The following FMN1 variants were observed in gnomAD, a reference collection of about 807,000 sequenced individuals.
FMN1 encodes the protein formin 1.
A neutral mutation model predicts 132.4 loss-of-function variants in FMN1; 110 were observed. The observed-to-expected ratio is 0.83, with a 90% CI of 0.71 to 0.97. The LOEUF is 0.97. Ranked by LOEUF, FMN1 falls within the 50% of genes least tolerant of loss-of-function variation. The probability of loss-of-function intolerance (pLI) is 0.00; values close to 1 mark genes in which losing one functional copy is unlikely to be tolerated. For missense variants in FMN1, 1,792 were observed against 1,705.3 expected (o/e 1.05, Z -0.90); for synonymous variants, 722 against 651.7 (o/e 1.11, Z -1.64).
chr15:33,091,096 A>G (rs924901227), intron 4 of FMN1, among the ~76,000 whole-genome samples: 4 of 152,202 alleles, frequency 2.6e-5, no homozygotes, highest in Admixed American at 6.5e-5. Context: ...GTTTGCACAG[A>G]ATAATAAAAC....
chr15:32,887,336 CTCT>C (rs1383295330), intron 16 of FMN1, among the ~76,000 whole-genome samples: 1 of 152,172 alleles, frequency 6.6e-6, no homozygotes, highest in Non-Finnish European at 1.5e-5. Context: ...CTCCGCAGAG[CTCT>C]TCAATTGGAG....
intron 19 of FMN1, among the ~76,000 whole-genome samples, chr15:32,797,954 T>C (rs2057343702): frequency 6.6e-6 from 1 of 152,200 alleles, no homozygotes; most frequent in Non-Finnish European, 1.5e-5. Flanking sequence ...GATGCTATAA[T>C]GAAATATATC....
chr15:32,851,840 T>C (rs1163706033), intron 17 of FMN1, among the ~76,000 whole-genome samples: 1 of 152,192 alleles, frequency 6.6e-6, no homozygotes, highest in Non-Finnish European at 1.5e-5. Context: ...TTGCAGCTGA[T>C]ATAAAAATAA....
chr15:33,091,936 A>AT (rs1491225529), intron 4 of FMN1, among the ~76,000 whole-genome samples: 1 of 152,182 alleles, frequency 6.6e-6, no homozygotes, highest in African/African-American at 2.4e-5. Flanking sequence ...AAACTGAATC[A>AT]GTCTTATCAG....
chr15:33,118,601 T>C (rs2040016923), intron 4 of FMN1, among the ~76,000 whole-genome samples: 1 of 152,194 alleles, frequency 6.6e-6, no homozygotes, highest in Non-Finnish European at 1.5e-5. Context: ...GGACAGTTCC[T>C]GTAGGAAACA....
chr15:33,078,643 A>G (rs529557295), intron 5 of FMN1, among the ~76,000 whole-genome samples: 3 of 135,392 alleles, frequency 2.2e-5, no homozygotes, highest in Admixed American at 1.5e-4. Flanking sequence ...CCAAAAGGCA[A>G]CAAAAAAAAA....
intron 15 of FMN1, among the ~76,000 whole-genome samples, chr15:32,893,783 T>C (rs1370993593): frequency 6.6e-6 from 1 of 152,226 alleles, no homozygotes; most frequent in Non-Finnish European, 1.5e-5. Flanking sequence ...ATTGTAAGAT[T>C]TTCCTCTGTG....
intron 6 of FMN1, among the ~76,000 whole-genome samples, chr15:33,033,459 C>G (rs981299201): frequency 2.3e-4 from 35 of 152,278 alleles, no homozygotes; most frequent in African/African-American, 8.4e-4. Flanking sequence ...ACTTTCCTAT[C>G]AAACCCAACC....
At chr15:33,101,687 A>G (rs1013756738) in intron 4 of FMN1, among the ~76,000 whole-genome samples, 2 of 152,144 alleles carry the variant, frequency 1.3e-5, no homozygotes, top group Admixed American at 1.3e-4. Context: ...AGATCTAACA[A>G]CAAGAGACTT....
At chr15:33,100,878 ATAAT>A (rs982922149) in intron 4 of FMN1, among the ~76,000 whole-genome samples, 2 of 152,236 alleles carry the variant, frequency 1.3e-5, no homozygotes, top group African/African-American at 4.8e-5. Context: ...GGAATATTAT[ATAAT>A]TATTTAAAAT....
chr15:32,994,395 C>T (rs1229968993), intron 7 of FMN1, among the ~76,000 whole-genome samples: 1 of 152,154 alleles, frequency 6.6e-6, no homozygotes, highest in Non-Finnish European at 1.5e-5. Context: ...CCACACAAAG[C>T]TTCCCTGCAG....
intron 4 of FMN1, among the ~76,000 whole-genome samples, chr15:33,099,894 C>T (rs908957660): frequency 2.6e-5 from 4 of 152,164 alleles, no homozygotes; most frequent in African/African-American, 9.7e-5. Context: ...ATGTCTTTCT[C>T]CCAGAATACA....
chr15:32,947,971 T>G (rs1567445340), intron 9 of FMN1, among the ~76,000 whole-genome samples: 4 of 152,012 alleles, frequency 2.6e-5, no homozygotes, highest in Non-Finnish European at 4.4e-5. Context: ...CTTGCTTAGA[T>G]TAAATAAAGG....
chr15:33,084,668 G>A (rs1174271942), intron 5 of FMN1, among the ~76,000 whole-genome samples: 3 of 152,144 alleles, frequency 2.0e-5, no homozygotes, highest in Non-Finnish European at 2.9e-5. Flanking sequence ...TTGTTAAATA[G>A]ATGCCCCCAG....
At chr15:32,834,821 A>C (rs2058585574) in intron 17 of FMN1, among the ~76,000 whole-genome samples, 1 of 152,228 alleles carries the variant, frequency 6.6e-6, no homozygotes, top group Non-Finnish European at 1.5e-5. Context: ...GAGAAGCCCT[A>C]GTTCCCTCTG....
intron 6 of FMN1, among the ~76,000 whole-genome samples, chr15:33,013,879 T>G (rs983237320): frequency 6.6e-6 from 1 of 152,270 alleles, no homozygotes; most frequent in Non-Finnish European, 1.5e-5. Flanking sequence ...ATAGAAATTA[T>G]ACAGACTATA....
intron 9 of FMN1, among the ~76,000 whole-genome samples, chr15:32,935,032 C>T (rs2061227978): frequency 6.6e-6 from 1 of 151,956 alleles, no homozygotes; most frequent in Non-Finnish European, 1.5e-5. Context: ...AGCGATTCTC[C>T]TCCCTCAGCC....
chr15:32,887,062 T>C (rs1161119471), intron 16 of FMN1, among the ~76,000 whole-genome samples: 2 of 152,210 alleles, frequency 1.3e-5, no homozygotes, highest in Admixed American at 6.5e-5. Context: ...GTAACCATTA[T>C]CCTTTCCATG....
intron 17 of FMN1, among the ~76,000 whole-genome samples, chr15:32,821,840 G>A (rs544167102): frequency 8.1e-4 from 123 of 152,202 alleles, no homozygotes; most frequent in Middle Eastern, 3.4e-3. Flanking sequence ...AACAATATAA[G>A]GGAGGCTTGC....
Sources: allele counts gnomAD v4.1 joint callset (sites outside exome capture counted in the v4.1 genomes callset), GRCh38; gene constraint gnomAD v4.1.1; transcripts MANE v1.5; gene names NCBI Gene and HGNC (gene_info 2026-07-23, HGNC 2026-07-21).